The following SLC17A5 variants were observed in gnomAD, a reference collection of about 807,000 sequenced individuals.
The protein encoded by SLC17A5 is sialin.
SLC17A5 carries 47 observed loss-of-function variants against 59.4 expected under a neutral mutation model. The observed-to-expected ratio is 0.79, with a 90% CI of 0.63 to 1.01. SLC17A5 has a LOEUF of 1.01. Among genes scored for constraint, SLC17A5 ranks in the 50% least tolerant of loss-of-function variants. The probability of loss-of-function intolerance (pLI) is 0.00; values close to 1 mark genes in which losing one functional copy is unlikely to be tolerated. For synonymous variants in SLC17A5, 202 were observed against 210.7 expected (o/e 0.96, Z 0.36); for missense variants, 522 against 595.5 (o/e 0.88, Z 1.28).
intron 9 of SLC17A5, among the ~76,000 whole-genome samples, chr6:73,610,016 T>C (rs1315226189): frequency 6.6e-6 from 1 of 152,104 alleles, no homozygotes; most frequent in Admixed American, 6.6e-5. Context: ...TGGTAAGTTT[T>C]ATATCATATC....
chr6:73,636,991 T>C (rs1581983652), intron 4 of SLC17A5, among the ~76,000 whole-genome samples: 2 of 151,458 alleles, frequency 1.3e-5, no homozygotes, highest in Non-Finnish European at 2.9e-5. Context: ...ACTTGGGAGG[T>C]TGAGGTGGGA....
chr6:73,639,814 G>A (rs1183011907), intron 3 of SLC17A5, among the ~76,000 whole-genome samples: 1 of 152,212 alleles, frequency 6.6e-6, no homozygotes, highest in East Asian at 1.9e-4. Flanking sequence ...GGGAGGCGGA[G>A]GCAGGTGGAT....
Position 73,599,184 on chromosome 6 carries a change from T to C in SLC17A5, c.1350+1167A>G, listed in dbSNP as rs986153199. 3.3e-5 allele frequency among the ~76,000 whole-genome samples: 5 copies of C among 152,114 alleles called. No homozygotes were observed. In the East Asian group the frequency reaches 9.6e-4, roughly 29 times the overall value. ...GCAACGGAGTGCGAAACTTATTTTATTTTGTTTATTTTTTTATTTTTATTT... is the reference window on the plus strand; with the variant it reads ...GCAACGGAGTGCGAAACTTATTTTACTTTGTTTATTTTTTTATTTTTATTT... On this transcript the variant is annotated intron_variant, in intron 10 of 10. Coordinates refer to ENST00000355773, the MANE Select transcript of SLC17A5 (RefSeq NM_012434.5).
intron 1 of SLC17A5, among the ~76,000 whole-genome samples, chr6:73,646,202 G>C (rs1769553907): frequency 6.6e-6 from 1 of 152,036 alleles, no homozygotes; most frequent in Non-Finnish European, 1.5e-5. Flanking sequence ...AAGAATCCTG[G>C]TGTTTTCATT....
intron 8 of SLC17A5, among the ~76,000 whole-genome samples, chr6:73,611,872 C>T (rs1767652873): frequency 1.3e-5 from 2 of 151,878 alleles, no homozygotes; most frequent in African/African-American, 4.8e-5. Flanking sequence ...GTCTCACTGT[C>T]GTCAGGCTGG....
chr6:73,606,010 T>C (rs1221528627), intron 9 of SLC17A5, among the ~76,000 whole-genome samples: 6 of 151,816 alleles, frequency 4.0e-5, no homozygotes, highest in African/African-American at 1.5e-4. Flanking sequence ...CAAATAATAA[T>C]AATTTTGAAT....
chr6:73,615,887 T>G (rs483867), intron 7 of SLC17A5, among the ~76,000 whole-genome samples: 14,927 of 117,734 alleles, frequency 0.13, 1,000 homozygotes, highest in African/African-American at 0.23. Flanking sequence ...ATTCTTTTTT[T>G]TTTTTTTTTT....
chr6:73,613,551 A>G (rs1561989028), intron 8 of SLC17A5, among the ~76,000 whole-genome samples: 1 of 152,112 alleles, frequency 6.6e-6, no homozygotes, highest in Non-Finnish European at 1.5e-5. Context: ...TTTTTAGTAG[A>G]CAGGGTTTCA....
At chr6:73,641,995 A>G (rs1769308235) in intron 2 of SLC17A5, 71 bp from the exon 3 acceptor site, 1 of 1,264,656 alleles carries the variant, frequency 7.9e-7, no homozygotes, top group East Asian at 2.3e-5. Context: ...TCTTACTGGC[A>G]TGTAAGTACA....
rs559135678 is a variant in SLC17A5 at position 73,598,759 on chromosome 6, G to A, written c.1350+1592C>T. Among the ~76,000 whole-genome samples the A allele has an allele frequency of 1.5e-3, 234 of 152,142 alleles. 1 individual carries two copies. Among genetic ancestry groups the A allele is most frequent in the African/African-American group, 5.3e-3 (221 of 41,522 alleles). On this transcript the variant is annotated intron_variant, in intron 10 of 10. Transcript: ENST00000355773. The stretch of plus-strand genomic sequence containing the variant: ...TGTAATCCCAGCACTTTGGGAGGCC[G>A]AGATGGGCGGATCACCTGAGTTCCA...
chr6:73,622,293 T>C (rs1768188258), intron 6 of SLC17A5, among the ~76,000 whole-genome samples: 1 of 145,492 alleles, frequency 6.9e-6, no homozygotes, highest in Non-Finnish European at 1.5e-5. Context: ...TCTATTTCTT[T>C]CTTTCTTTTT....
intron 10 of SLC17A5, among the ~76,000 whole-genome samples, chr6:73,596,442 G>A (rs1025314416): frequency 1.3e-5 from 2 of 152,110 alleles, no homozygotes; most frequent in African/African-American, 4.8e-5. Context: ...ATAACCCTGT[G>A]GCATAAAAAT....
chr6:73,646,567 G>A (rs1169733310), intron 1 of SLC17A5, among the ~76,000 whole-genome samples: 2 of 152,100 alleles, frequency 1.3e-5, no homozygotes, highest in African/African-American at 2.4e-5. Flanking sequence ...TCTATTACTA[G>A]AATCTAGGCG....
intron 6 of SLC17A5, among the ~76,000 whole-genome samples, chr6:73,623,225 G>C (rs1443732467): frequency 6.6e-6 from 1 of 152,112 alleles, no homozygotes; most frequent in Non-Finnish European, 1.5e-5. Flanking sequence ...TTTCAGTAGA[G>C]ACAAGGTTTC....
chr6:73,642,977 C>T (rs1769358791), intron 2 of SLC17A5, among the ~76,000 whole-genome samples: 1 of 152,058 alleles, frequency 6.6e-6, no homozygotes. Flanking sequence ...CCAAATGTTA[C>T]TCAGCAACAT....
chr6:73,596,395 T>C lies in SLC17A5; in HGVS notation c.1351-1181A>G, dbSNP rs562763383. Among the ~76,000 whole-genome samples the C allele has an allele frequency of 3.9e-5, 6 of 152,278 alleles. No individual in the cohort carries two copies. In the East Asian group the frequency reaches 1.2e-3, roughly 29 times the overall value. ...CTTGAATGGCATACAAAGCAGGATATAACATGGGATCTGTCAGTAAGACAA... is the reference window on the plus strand; with the variant it reads ...CTTGAATGGCATACAAAGCAGGATACAACATGGGATCTGTCAGTAAGACAA... On this transcript the variant is annotated intron_variant, in intron 10 of 10. Coordinates refer to ENST00000355773, the MANE Select transcript of SLC17A5 (RefSeq NM_012434.5).
At chr6:73,648,775 G>A (rs1049596528) in intron 1 of SLC17A5, among the ~76,000 whole-genome samples, 15 of 152,102 alleles carry the variant, frequency 9.9e-5, no homozygotes, top group African/African-American at 3.6e-4. Flanking sequence ...GCCTCTTGGA[G>A]AAGTCTCTTC....
intron 10 of SLC17A5, among the ~76,000 whole-genome samples, chr6:73,597,053 C>A (rs1414699297): frequency 6.6e-6 from 1 of 151,314 alleles, no homozygotes; most frequent in Admixed American, 6.6e-5. Flanking sequence ...CCCAGCTACT[C>A]GGGAGGCTGA....
At chr6:73,638,265 GTAATAAAGTTA>G (rs1769116172) in intron 4 of SLC17A5, 136 bp downstream of exon 4, 1 of 653,830 alleles carries the variant, frequency 1.5e-6, no homozygotes, top group African/African-American at 1.8e-5. Flanking sequence ...AGAAAAATTG[GTAATAAAGTTA>G]TACTACCGAA....
Sources: allele counts gnomAD v4.1 joint callset (sites outside exome capture counted in the v4.1 genomes callset), GRCh38; gene constraint gnomAD v4.1.1; transcripts MANE v1.5; gene names NCBI Gene and HGNC (gene_info 2026-07-23, HGNC 2026-07-21).